Variants in NOVA1 observed in about 807,000 individuals in gnomAD.
NOVA1 encodes the protein NOVA alternative splicing regulator 1, also known as RNA-binding protein Nova-1.
Under a neutral mutation model 38.0 loss-of-function variants are expected in NOVA1, and 7 were observed. The observed-to-expected ratio is 0.18, with a 90% CI of 0.10 to 0.35. NOVA1 has a LOEUF of 0.35. Among genes scored for constraint, NOVA1 ranks in the 10% least tolerant of loss-of-function variants. The pLI, the probability that NOVA1 is intolerant of heterozygous loss-of-function variation, is 1.00. For missense variants in NOVA1, 460 were observed against 616.0 expected (o/e 0.75, Z 2.68); for synonymous variants, 270 against 232.5 (o/e 1.16, Z -1.47).
chr14:26,538,249 G>A (rs921740548), intron 2 of NOVA1, among the ~76,000 whole-genome samples: 1 of 152,018 alleles, frequency 6.6e-6, no homozygotes, highest in African/African-American at 2.4e-5. Flanking sequence ...ATTAAAATTT[G>A]AATCTAAGTA....
intron 2 of NOVA1, among the ~76,000 whole-genome samples, chr14:26,583,074 T>C (rs571419040): frequency 6.6e-6 from 1 of 151,734 alleles, no homozygotes; most frequent in Non-Finnish European, 1.5e-5. Flanking sequence ...TTAAACAGAA[T>C]AGGTATACGC....
chr14:26,574,846 G>C (rs1279105824), intron 2 of NOVA1, among the ~76,000 whole-genome samples: 1 of 151,728 alleles, frequency 6.6e-6, no homozygotes, highest in Non-Finnish European at 1.5e-5. Flanking sequence ...TTTTTTTGTA[G>C]AGACAGAGTC....
At chr14:26,496,028 G>A (rs2138380356) in intron 2 of NOVA1, among the ~76,000 whole-genome samples, 1 of 140,256 alleles carries the variant, frequency 7.1e-6, no homozygotes, top group East Asian at 2.1e-4. Context: ...GGGATGGCTG[G>A]GTCAAATGGT....
At chr14:26,594,645 A>G (rs955086432) in intron 2 of NOVA1, 2 of 152,056 alleles carry the variant, frequency 1.3e-5, no homozygotes, top group Non-Finnish European at 2.9e-5. Context: ...GTGATTAGCA[A>G]AATGTAAGAA....
chr14:26,453,754 T>G (rs1247356090), intron 4 of NOVA1, among the ~76,000 whole-genome samples: 1 of 152,170 alleles, frequency 6.6e-6, no homozygotes. Context: ...AGAAAAATCA[T>G]AAACTATTTA....
At chr14:26,575,286 A>G (rs1892772188) in intron 2 of NOVA1, among the ~76,000 whole-genome samples, 1 of 151,944 alleles carries the variant, frequency 6.6e-6, no homozygotes, top group Non-Finnish European at 1.5e-5. Context: ...AATGTGGTGA[A>G]AAGGAGCTTG....
intron 2 of NOVA1, among the ~76,000 whole-genome samples, chr14:26,514,195 A>G (rs975870857): frequency 2.0e-5 from 3 of 151,700 alleles, no homozygotes; most frequent in East Asian, 1.9e-4. Context: ...ATTTATGTCA[A>G]TGTAAGTATA....
At chr14:26,469,766 G>A (rs1343961785) in intron 4 of NOVA1, among the ~76,000 whole-genome samples, 2 of 152,024 alleles carry the variant, frequency 1.3e-5, no homozygotes, top group African/African-American at 4.8e-5. Flanking sequence ...TTTTCAAAAT[G>A]TATACATTTT....
chr14:26,564,467 C>T (rs1594543295), intron 2 of NOVA1, among the ~76,000 whole-genome samples: 2 of 152,084 alleles, frequency 1.3e-5, no homozygotes, highest in East Asian at 3.9e-4. Context: ...GGCAGAAACA[C>T]AGGTTAAGTA....
intron 2 of NOVA1, among the ~76,000 whole-genome samples, chr14:26,503,736 G>C (rs577342151): frequency 6.6e-6 from 1 of 151,818 alleles, no homozygotes; most frequent in Admixed American, 6.6e-5. Context: ...ATTAAACTTA[G>C]GGTTCAACAT....
At chr14:26,500,897 T>C (rs1253103380) in intron 2 of NOVA1, among the ~76,000 whole-genome samples, 1 of 151,996 alleles carries the variant, frequency 6.6e-6, no homozygotes, top group African/African-American at 2.4e-5. Flanking sequence ...AATATATCTC[T>C]GGTCAAATAC....
chr14:26,467,368 C>T (rs1038683640), intron 4 of NOVA1, among the ~76,000 whole-genome samples: 4 of 152,086 alleles, frequency 2.6e-5, no homozygotes, highest in African/African-American at 9.7e-5. Flanking sequence ...CATTGATGTC[C>T]TTGGCAAAGA....
intron 2 of NOVA1, among the ~76,000 whole-genome samples, chr14:26,522,089 C>T (rs992812761): frequency 2.0e-5 from 3 of 151,792 alleles, no homozygotes; most frequent in Non-Finnish European, 4.4e-5. Context: ...ATATTGATAT[C>T]AATATTCATA....
At chr14:26,595,634 C>T (rs1356635937) in intron 1 of NOVA1, 81 bp from the exon 2 acceptor site, 1 of 1,279,182 alleles carries the variant, frequency 7.8e-7, no homozygotes, top group East Asian at 2.4e-5. Context: ...GAGAGAAAAA[C>T]AGCAACTAAA....
At position 26,448,236 on chromosome 14, in the gene NOVA1, G is replaced by T; in HGVS notation, c.1247C>A (p.Ser416Tyr). Reference protein sequence around the residue: ...AASAILGTEKSTDGSKDVVEI... With the variant: ...AASAILGTEKYTDGSKDVVEI... Reference sequence around the variant, plus strand: ...AACTACATCCTTGGATCCATCTGTGGACTTTTCTGTTCCTAGAATGGCACT... The same window carrying T: ...AACTACATCCTTGGATCCATCTGTGTACTTTTCTGTTCCTAGAATGGCACT... The change falls in exon 5 of 5, where the codon TCC (serine) becomes TAC (tyrosine). Residue 416 changes from serine (S) to tyrosine (Y), a missense_variant. Physicochemically the swap from Ser to Tyr is moderately radical, Grantham distance 144. Coordinates refer to ENST00000539517, the MANE Select transcript of NOVA1 (RefSeq NM_002515.3). This position sits in a 1 kb window ranked among gnomAD's most constrained non-coding sequence, Gnocchi z 5.3. 1 of 1,614,166 alleles carries T rather than the reference G, an allele frequency of 6.2e-7. No individual in the cohort carries two copies.
chr14:26,541,767 G>T (rs1194046640), intron 2 of NOVA1, among the ~76,000 whole-genome samples: 1 of 151,732 alleles, frequency 6.6e-6, no homozygotes. Flanking sequence ...TTGAGGAGCA[G>T]GGAAAATCAC....
At chr14:26,524,609 G>C (rs999769146) in intron 2 of NOVA1, among the ~76,000 whole-genome samples, 14 of 152,038 alleles carry the variant, frequency 9.2e-5, no homozygotes, top group Middle Eastern at 3.2e-3. Context: ...GTCTATATTA[G>C]GTCATCTTCC....
rs1894209384 is a variant in NOVA1, at chr14:26,596,635, C to T, written c.136+666G>A. On this transcript the variant is annotated intron_variant, in intron 1 of 4. Transcript: ENST00000539517. ...TCCAGTGCAAATGAAGAAGCGATAT[C>T]GGTCCCGTTAAAACTCATCTTCCAA... 3.1e-6 allele frequency: 4 copies of T among 1,288,994 alleles called. No individual in the cohort carries two copies. In the South Asian group the frequency reaches 4.9e-5, roughly 16 times the overall value. The allele number at this position is 1,288,994 out of a possible 1,614,324, so 79.8% of individuals were successfully genotyped here. A position where few individuals can be genotyped will look rare whatever the true frequency, so the allele number is the denominator to read the frequency against.
At chr14:26,519,803 G>C (rs2138497964) in intron 2 of NOVA1, among the ~76,000 whole-genome samples, 1 of 152,132 alleles carries the variant, frequency 6.6e-6, no homozygotes, top group South Asian at 2.1e-4. Flanking sequence ...AAATATAAGA[G>C]AGAAAAATAA....
Sources: allele counts gnomAD v4.1 joint callset (sites outside exome capture counted in the v4.1 genomes callset), GRCh38; gene constraint gnomAD v4.1.1; non-coding constraint Gnocchi (gnomAD v3.1); transcripts MANE v1.5; gene names NCBI Gene and HGNC (gene_info 2026-07-23, HGNC 2026-07-21).